Variants in DTWD1 observed in about 807,000 individuals in gnomAD.
DTWD1 encodes the protein tRNA-uridine aminocarboxypropyltransferase 1.
DTWD1 carries 27 observed loss-of-function variants against 30.2 expected under a neutral mutation model. The ratio of observed to expected loss-of-function variants is 0.90; its 90% CI spans 0.66 to 1.23. The LOEUF (loss-of-function observed/expected upper bound fraction) is 1.23, where lower values mean the gene tolerates loss of function less well. DTWD1 is among the 50% of genes most tolerant of loss of function. DTWD1 has a pLI of 0.00. For synonymous variants in DTWD1, 99 were observed against 113.1 expected (o/e 0.88, Z 0.79); for missense variants, 342 against 348.8 (o/e 0.98, Z 0.15).
chr15:49,632,356 A>T (rs2153352480), intron 3 of DTWD1, 54 bp downstream of exon 3: 2 of 1,506,468 alleles, frequency 1.3e-6, no homozygotes, highest in East Asian at 4.7e-5. Context: ...ATGAATTTTA[A>T]CCTCCATTGC....
rs758845550 is a variant in DTWD1, at chr15:49,655,955, A to T, written c.*12377A>T. ...TAATACTACATTTTAGTATGAATAT[A>T]AGTTAAACTTAGAGGTGATATCTAT... is the stretch of plus-strand genomic sequence containing the variant. On this transcript the variant is annotated 3_prime_UTR_variant, in exon 5 of 5. Coordinates refer to ENST00000403028, the MANE Select transcript of DTWD1 (RefSeq NM_001144955.2). 2.6e-5 allele frequency: 4 copies of T among 152,120 alleles called. No individual in the cohort carries two copies. Among genetic ancestry groups the T allele is most frequent in the Non-Finnish European group, 5.9e-5 (4 of 68,004 alleles). The allele number at this position is 152,120 out of a possible 1,614,324, so 9.4% of individuals were successfully genotyped here.
chr15:49,626,993 C>G (rs887548524), intron 2 of DTWD1: 3 of 212,316 alleles, frequency 1.4e-5, no homozygotes, highest in Non-Finnish European at 3.1e-5. Context: ...TTACATTTCT[C>G]TCATAGCCAT....
At chr15:49,639,057 G>C (rs1464635319) in intron 4 of DTWD1, among the ~76,000 whole-genome samples, 1 of 152,068 alleles carries the variant, frequency 6.6e-6, no homozygotes, top group Admixed American at 6.6e-5. Context: ...AACTTTTAAA[G>C]TGATAACTTT....
In DTWD1 at chr15:49,653,205, A is replaced by C. The variant is rs2079162393; in HGVS notation, c.*9627A>C. 6.6e-6 allele frequency: 1 copy of C among 152,136 alleles called. No homozygotes were observed. 9.4% of individuals were successfully genotyped at this position (152,136 alleles called of 1,614,324 possible). On this transcript the variant is annotated 3_prime_UTR_variant, in exon 5 of 5. Coordinates refer to ENST00000403028, the MANE Select transcript of DTWD1 (RefSeq NM_001144955.2). The stretch of plus-strand genomic sequence containing the variant: ...CTTTGAAATGTAGAGATTATCCTGA[A>C]TTATCTAGGTAGGCTCAATATAAGC...
chr15:49,632,038 A>C (rs1459009637), intron 2 of DTWD1, 121 bp from the exon 3 acceptor site: 1 of 921,962 alleles, frequency 1.1e-6, no homozygotes, highest in Non-Finnish European at 1.7e-6. Flanking sequence ...TATCTTTTAA[A>C]CCATATGCAT....
chr15:49,621,661 G>T (rs1598629277), intron 1 of DTWD1, among the ~76,000 whole-genome samples: 1 of 152,212 alleles, frequency 6.6e-6, no homozygotes, highest in South Asian at 2.1e-4. Context: ...ATTTTCAGTC[G>T]CCAGGCCCAC....
chr15:49,624,550 G>A (rs988684885), intron 1 of DTWD1, among the ~76,000 whole-genome samples: 1 of 152,028 alleles, frequency 6.6e-6, no homozygotes, highest in African/African-American at 2.4e-5. Flanking sequence ...AAATTTATAG[G>A]ATAATATATT....
chr15:49,638,160 C>G (rs958438463), intron 4 of DTWD1, among the ~76,000 whole-genome samples: 2 of 152,068 alleles, frequency 1.3e-5, no homozygotes, highest in African/African-American at 2.4e-5. Context: ...TTATAGTTAC[C>G]TTATATGGTA....
rs2079152679 is a variant in DTWD1 at position 49,651,599 on chromosome 15, A to C, written c.*8021A>C. 1 of 152,078 alleles carries C rather than the reference A, an allele frequency of 6.6e-6. No individual in the cohort carries two copies. The highest frequency in any genetic ancestry group is 6.6e-5 in the Admixed American group (1 of 15,256). 9.4% of individuals were successfully genotyped at this position (152,078 alleles called of 1,614,324 possible). On this transcript the variant is annotated 3_prime_UTR_variant, in exon 5 of 5. Transcript: ENST00000403028. ...GACAATACTGCACCCCTGATATAAT[A>C]CCATTCTTCAATATCAAGTTGGTTA... is the stretch of plus-strand genomic sequence containing the variant.
intron 4 of DTWD1, among the ~76,000 whole-genome samples, 180 bp from the exon 5 acceptor site, chr15:49,643,151 G>C (rs1024947436): frequency 2.6e-5 from 4 of 151,918 alleles, no homozygotes; most frequent in African/African-American, 9.7e-5. Context: ...TATATACCTT[G>C]AGGTGTTTAA....
intron 4 of DTWD1, among the ~76,000 whole-genome samples, chr15:49,635,457 T>C (rs909336248): frequency 1.3e-5 from 2 of 152,044 alleles, no homozygotes; most frequent in African/African-American, 4.8e-5. Flanking sequence ...TTTGTTTTTT[T>C]TGTTTTTTGC....
At position 49,625,278 on chromosome 15, in the gene DTWD1, A is replaced by G; in HGVS notation, c.111A>G (p.Gln37=). 1 of 1,613,686 alleles carries G rather than the reference A, an allele frequency of 6.2e-7. No individual in the cohort carries two copies. The highest frequency in any genetic ancestry group is 8.5e-7 in the Non-Finnish European group (1 of 1,179,802). ...CCATAGCTTCAGAAGATCCCCTTCA[A>G]AACTTATGTTTAGCATCTCAAGAAG... ...TTSIASEDPL[Q]NLCLASQEVL... The change falls in exon 2 of 5, where the codon CAA becomes CAG. Residue 37 remains glutamine (Q), a synonymous_variant. Coordinates refer to ENST00000403028, the MANE Select transcript of DTWD1 (RefSeq NM_001144955.2).
rs2079162138 is a variant in DTWD1 at position 49,653,152 on chromosome 15, G to A, written c.*9574G>A. ...AGGTTAAACCTTACATGGTAAAAAG[G>A]ACTTTGCCTCTGTCATTAAGTTAAG... On this transcript the variant is annotated 3_prime_UTR_variant, in exon 5 of 5. Transcript: ENST00000403028. 6.6e-6 allele frequency: 1 copy of A among 152,124 alleles called. No individual in the cohort carries two copies. 9.4% of individuals were successfully genotyped at this position (152,124 alleles called of 1,614,324 possible).
intron 4 of DTWD1, among the ~76,000 whole-genome samples, chr15:49,639,669 A>T (rs1170761145): frequency 6.6e-6 from 1 of 152,248 alleles, no homozygotes; most frequent in Admixed American, 6.5e-5. Context: ...GAAATATTTA[A>T]TGTTGTCTAG....
intron 3 of DTWD1, 37 bp from the exon 4 acceptor site, chr15:49,634,499 T>C (rs1267028240): frequency 2.6e-6 from 4 of 1,559,498 alleles, no homozygotes; most frequent in Admixed American, 2.1e-5. Context: ...TTGAAGATCA[T>C]AGTAGCACAC....
rs1236502911 is a variant in DTWD1 at position 49,651,679 on chromosome 15, C to T, written c.*8101C>T. ...AGCATTTCCTTGTCATAGAAATAGA[C>T]ACAATTTCCAGATAGGAGTTTGCTT... On this transcript the variant is annotated 3_prime_UTR_variant, in exon 5 of 5. Coordinates refer to ENST00000403028, the MANE Select transcript of DTWD1 (RefSeq NM_001144955.2). 6.6e-6 allele frequency: 1 copy of T among 152,184 alleles called. No homozygotes were observed. Among genetic ancestry groups the T allele is most frequent in the East Asian group, 1.9e-4 (1 of 5,182 alleles). 9.4% of individuals were successfully genotyped at this position (152,184 alleles called of 1,614,324 possible).
At chr15:49,637,903 T>G (rs1017999350) in intron 4 of DTWD1, among the ~76,000 whole-genome samples, 1 of 152,222 alleles carries the variant, frequency 6.6e-6, no homozygotes, top group Non-Finnish European at 1.5e-5. Context: ...ATTAGTAAAG[T>G]TGCTTTGAAA....
At chr15:49,634,923 C>T in intron 4 of DTWD1, 129 bp downstream of exon 4, 8 of 835,364 alleles carry the variant, frequency 9.6e-6, no homozygotes, top group South Asian at 2.6e-5. Context: ...TACTTTATTT[C>T]TCTCTTTTTA....
chr15:49,641,130 G>T (rs900746147), intron 4 of DTWD1, among the ~76,000 whole-genome samples: 9 of 151,844 alleles, frequency 5.9e-5, no homozygotes, highest in Admixed American at 5.9e-4. Context: ...TCCTTCTCAC[G>T]TTTCAATCTG....
Sources: gnomAD v4.1 joint callset for allele counts (sites outside exome capture counted in the v4.1 genomes callset) on GRCh38, gnomAD v4.1.1 for gene constraint, MANE v1.5 for transcripts, NCBI Gene and HGNC (gene_info 2026-07-23, HGNC 2026-07-21) for gene names.